The following DENND1A variants were observed in gnomAD, a reference collection of about 807,000 sequenced individuals.
DENND1A encodes DENN domain containing 1A, also known as DENN domain-containing protein 1A.
A neutral mutation model predicts 113.7 loss-of-function variants in DENND1A; 51 were observed. The ratio of observed to expected loss-of-function variants is 0.45; its 90% CI spans 0.36 to 0.57. The LOEUF (loss-of-function observed/expected upper bound fraction) is 0.57, where lower values mean the gene tolerates loss of function less well. DENND1A is among the 20% of genes least tolerant of loss of function. The pLI is 0.00. For synonymous variants in DENND1A, 565 were observed against 570.8 expected, an observed-to-expected ratio of 0.99 and a Z score of 0.14; for missense variants, 1,258 against 1,395.9, an observed-to-expected ratio of 0.90 and a Z score of 1.57.
chr9:123,458,962 AAAACAAACAAAC>A (rs369078427), intron 13 of DENND1A, among the ~76,000 whole-genome samples: 1 of 152,090 alleles, frequency 6.6e-6, no homozygotes, highest in Non-Finnish European at 1.5e-5. Flanking sequence ...ACTCCGTCTC[AAAACAAACAAAC>A]AAACAAACAA....
At chr9:123,913,111 T>A (rs1364094817) in intron 1 of DENND1A, among the ~76,000 whole-genome samples, 1 of 132,160 alleles carries the variant, frequency 7.6e-6, no homozygotes, top group Non-Finnish European at 1.6e-5. Context: ...CCAAAGACAG[T>A]TTAAAAAAAA....
chr9:123,613,464 T>C (rs554896076), intron 10 of DENND1A, among the ~76,000 whole-genome samples: 1 of 152,370 alleles, frequency 6.6e-6, no homozygotes, highest in South Asian at 2.1e-4. Context: ...AAAATCCATC[T>C]ACTAGAAGTG....
chr9:123,839,016 C>T (rs972217104), intron 2 of DENND1A, among the ~76,000 whole-genome samples: 2 of 152,202 alleles, frequency 1.3e-5, no homozygotes, highest in African/African-American at 4.8e-5. Context: ...ACTCTGCTCA[C>T]GCGGAAGGGG....
intron 10 of DENND1A, among the ~76,000 whole-genome samples, chr9:123,610,099 C>T (rs745657223): frequency 5.9e-5 from 9 of 152,224 alleles, no homozygotes; most frequent in Non-Finnish European, 1.3e-4. Context: ...CTGCCAACTG[C>T]TTCATTCACG....
intron 8 of DENND1A, among the ~76,000 whole-genome samples, chr9:123,656,917 C>T (rs530763884): frequency 6.6e-6 from 1 of 152,342 alleles, no homozygotes; most frequent in African/African-American, 2.4e-5. Context: ...TCCTTTCCTA[C>T]TCATGGAGTT....
chr9:123,452,489 G>A (rs1342512202), intron 16 of DENND1A, 142 bp from the exon 17 acceptor site: 2 of 695,656 alleles, frequency 2.9e-6, no homozygotes, highest in Admixed American at 2.2e-5. Flanking sequence ...GATGATAACT[G>A]GTCCCTGCCA....
chr9:123,757,016 A>G (rs755081761), intron 5 of DENND1A, among the ~76,000 whole-genome samples: 2 of 152,068 alleles, frequency 1.3e-5, no homozygotes, highest in African/African-American at 4.8e-5. Flanking sequence ...GGATGCCTTT[A>G]CTTCCCCCTC....
intron 2 of DENND1A, among the ~76,000 whole-genome samples, chr9:123,845,202 A>C (rs1842408356): frequency 6.6e-6 from 1 of 151,912 alleles, no homozygotes; most frequent in Non-Finnish European, 1.5e-5. Flanking sequence ...CCTGGGCAAG[A>C]GAGCAAGGCT....
intron 19 of DENND1A, among the ~76,000 whole-genome samples, chr9:123,437,476 T>C (rs2046610679): frequency 6.6e-6 from 1 of 152,218 alleles, no homozygotes; most frequent in South Asian, 2.1e-4. Context: ...CTCAACGGTC[T>C]CCATCCCCAC....
intron 11 of DENND1A, among the ~76,000 whole-genome samples, chr9:123,605,574 C>T (rs1437358403): frequency 6.6e-6 from 1 of 152,130 alleles, no homozygotes; most frequent in Non-Finnish European, 1.5e-5. Context: ...CCTCAGATTG[C>T]TTAAATGAGA....
rs1328806245 is a variant in DENND1A, at chr9:123,381,944, C to T, written c.2701G>A (p.Ala901Thr). 6.2e-6 allele frequency: 9 copies of T among 1,456,984 alleles called. No homozygotes were observed. In the African/African-American group the frequency reaches 1.3e-4, roughly 21 times the overall value. The allele number at this position is 1,456,984 out of a possible 1,614,324, so 90.3% of individuals were successfully genotyped here. A position where few individuals can be genotyped will look rare whatever the true frequency, so the allele number is the denominator to read the frequency against. ...PLNPFVPSMP[A>T]APPTLPLVST... ...ACCAGGGGCAGGGTGGGTGGGGCTGCTGGCATGGATGGGACAAAGGGGTTG... is the reference window on the plus strand; with the variant it reads ...ACCAGGGGCAGGGTGGGTGGGGCTGTTGGCATGGATGGGACAAAGGGGTTG... Residue 901 changes from alanine (A) to threonine (T), a missense_variant, in exon 24 of 24, where the codon GCA (alanine) becomes ACA (threonine). Coordinates refer to ENST00000394215, the MANE Select transcript of DENND1A (RefSeq NM_001352964.2). The surrounding 1 kb of genome is among the most constrained non-coding windows in gnomAD (Gnocchi z 4.7).
chr9:123,858,846 G>T (rs1844659818), intron 2 of DENND1A, among the ~76,000 whole-genome samples: 1 of 152,066 alleles, frequency 6.6e-6, no homozygotes, highest in South Asian at 2.1e-4. Context: ...ATAGTTAAAA[G>T]ATTAAAAATA....
At chr9:123,719,429 G>A (rs1166043051) in intron 5 of DENND1A, among the ~76,000 whole-genome samples, 5 of 152,160 alleles carry the variant, frequency 3.3e-5, no homozygotes, top group East Asian at 1.9e-4. Context: ...TGAACTGTCC[G>A]CCTGGGAGTG....
intron 10 of DENND1A, among the ~76,000 whole-genome samples, chr9:123,618,284 G>A (rs997433223): frequency 2.6e-5 from 4 of 152,208 alleles, no homozygotes; most frequent in Non-Finnish European, 5.9e-5. Context: ...TGGCTCCCAG[G>A]AACATATCTA....
At chr9:123,415,295 A>G (rs911830674) in intron 19 of DENND1A, among the ~76,000 whole-genome samples, 1 of 152,162 alleles carries the variant, frequency 6.6e-6, no homozygotes, top group Non-Finnish European at 1.5e-5. Context: ...GGAAACACAC[A>G]GGGACGGGGG....
At chr9:123,460,190 T>A (rs2048423173) in intron 13 of DENND1A, among the ~76,000 whole-genome samples, 1 of 152,204 alleles carries the variant, frequency 6.6e-6, no homozygotes, top group Non-Finnish European at 1.5e-5. Context: ...ACTAGTTCCT[T>A]GGGAAAAATA....
chr9:123,401,847 T>C, intron 21 of DENND1A: 1 of 1,614,212 alleles, frequency 6.2e-7, no homozygotes, highest in Non-Finnish European at 8.5e-7. Flanking sequence ...CGTCGGGAAC[T>C]TGGCCGCAAA....
chr9:123,913,984 A>G (rs982635282), intron 1 of DENND1A, among the ~76,000 whole-genome samples: 1 of 151,872 alleles, frequency 6.6e-6, no homozygotes, highest in Non-Finnish European at 1.5e-5. Flanking sequence ...GCAGCAGTGC[A>G]GACATGGTCA....
Position 123,651,278 on chromosome 9 carries a change from G to A in DENND1A, c.618+735C>T, listed in dbSNP as rs575270546. Among the ~76,000 whole-genome samples, 196 of 152,264 alleles carry A rather than the reference G, an allele frequency of 1.3e-3. 1 individual carries two copies. Among genetic ancestry groups the A allele is most frequent in the African/African-American group, 4.5e-3 (186 of 41,544 alleles). ...ATACAAATAAAAAAATAAACCCATG[G>A]AAAATATTCAGTTACCTCTAACCAA... On this transcript the variant is annotated intron_variant, in intron 9 of 23. Transcript: ENST00000394215.
Sources: gnomAD v4.1 joint callset for allele counts (sites outside exome capture counted in the v4.1 genomes callset) on GRCh38, gnomAD v4.1.1 for gene constraint, Gnocchi (gnomAD v3.1) non-coding constraint, MANE v1.5 for transcripts, NCBI Gene and HGNC (gene_info 2026-07-23, HGNC 2026-07-21) for gene names.